ADCY8: variants seen among roughly 807,000 people sequenced by gnomAD.
ADCY8 encodes the protein adenylate cyclase 8, also known as adenylate cyclase type 8.
Under a neutral mutation model 119.7 loss-of-function variants are expected in ADCY8, and 51 were observed. The ratio of observed to expected loss-of-function variants is 0.43; its 90% CI spans 0.34 to 0.54. ADCY8 has a LOEUF of 0.54. Ranked by LOEUF, ADCY8 falls within the 20% of genes least tolerant of loss-of-function variation. The pLI is 0.03. For synonymous variants in ADCY8, 665 were observed against 651.0 expected (o/e 1.02, Z -0.33); for missense variants, 1,383 against 1,598.8 (o/e 0.87, Z 2.30).
intron 11 of ADCY8, among the ~76,000 whole-genome samples, chr8:130,847,142 A>G (rs997734181): frequency 6.6e-6 from 1 of 151,680 alleles, no homozygotes; most frequent in African/African-American, 2.4e-5. Context: ...AAAGGTGAAA[A>G]GGAAGAAAAG....
At chr8:130,813,290 A>T (rs1052127920) in intron 14 of ADCY8, among the ~76,000 whole-genome samples, 1 of 152,178 alleles carries the variant, frequency 6.6e-6, no homozygotes, top group Admixed American at 6.5e-5. Flanking sequence ...CATTAAGTAT[A>T]GTCACATTGT....
At chr8:130,927,166 T>G (rs1820496022) in intron 5 of ADCY8, among the ~76,000 whole-genome samples, 1 of 152,198 alleles carries the variant, frequency 6.6e-6, no homozygotes, top group Non-Finnish European at 1.5e-5. Flanking sequence ...TCTGAAGAAC[T>G]GCCACTGTTT....
intron 3 of ADCY8, among the ~76,000 whole-genome samples, chr8:130,949,090 G>C (rs895376643): frequency 1.3e-5 from 2 of 152,012 alleles, no homozygotes; most frequent in South Asian, 2.1e-4. Flanking sequence ...ATGTACTGTG[G>C]CGTGAACTTC....
intron 9 of ADCY8, among the ~76,000 whole-genome samples, chr8:130,864,475 T>C (rs1011027207): frequency 6.6e-6 from 1 of 152,174 alleles, no homozygotes; most frequent in African/African-American, 2.4e-5. Flanking sequence ...GTAATCTAAT[T>C]ATGTGTATAT....
At chr8:130,925,084 A>G (rs1197696548) in intron 5 of ADCY8, among the ~76,000 whole-genome samples, 2 of 151,792 alleles carry the variant, frequency 1.3e-5, no homozygotes, top group Non-Finnish European at 2.9e-5. Context: ...ATGCGCCTGT[A>G]GTCCCAGCTA....
intron 3 of ADCY8, among the ~76,000 whole-genome samples, chr8:130,948,304 G>C (rs961177188): frequency 6.6e-6 from 1 of 152,218 alleles, no homozygotes; most frequent in African/African-American, 2.4e-5. Flanking sequence ...CAATACAATC[G>C]GGTAGGTGGG....
chr8:130,810,370 A>ACACACACACAC (rs1554602617), intron 14 of ADCY8, among the ~76,000 whole-genome samples: 3 of 151,578 alleles, frequency 2.0e-5, no homozygotes, highest in African/African-American at 7.3e-5. Context: ...ACACACACAC[A>ACACACACACAC]CACACACACA....
At chr8:130,911,435 T>G (rs1379764462) in intron 5 of ADCY8, among the ~76,000 whole-genome samples, 3 of 152,158 alleles carry the variant, frequency 2.0e-5, no homozygotes, top group Non-Finnish European at 2.9e-5. Context: ...TTAGCTCTGA[T>G]AGCCACTGAA....
intron 5 of ADCY8, among the ~76,000 whole-genome samples, chr8:130,924,210 T>G (rs1271820696): frequency 6.6e-6 from 1 of 152,208 alleles, no homozygotes; most frequent in African/African-American, 2.4e-5. Flanking sequence ...CAACCTCTGT[T>G]AGCTTGTATG....
At chr8:130,861,912 T>C (rs1817943413) in intron 9 of ADCY8, among the ~76,000 whole-genome samples, 1 of 152,190 alleles carries the variant, frequency 6.6e-6, no homozygotes, top group Admixed American at 6.5e-5. Flanking sequence ...ATCCAATGCA[T>C]TTATTTGGCA....
intron 2 of ADCY8, among the ~76,000 whole-genome samples, chr8:130,984,341 T>C (rs1822332095): frequency 6.6e-6 from 1 of 152,172 alleles, no homozygotes; most frequent in African/African-American, 2.4e-5. Context: ...TTCTAACATA[T>C]GAATACTGCT....
intron 2 of ADCY8, among the ~76,000 whole-genome samples, chr8:130,962,636 AGGAT>A (rs1821639331): frequency 1.3e-5 from 2 of 152,246 alleles, no homozygotes; most frequent in Non-Finnish European, 2.9e-5. Flanking sequence ...TGAGGGATTC[AGGAT>A]CTTTATTTTA....
At position 130,997,577 on chromosome 8, in the gene ADCY8, G is replaced by A. The variant is rs566617704; in HGVS notation, c.961-7035C>T. Among the ~76,000 whole-genome samples, 56 of 152,216 alleles carry A rather than the reference G, an allele frequency of 3.7e-4. 3 individuals carry two copies. In the South Asian group the frequency reaches 0.011, roughly 30 times the overall value. On this transcript the variant is annotated intron_variant, in intron 1 of 17. Transcript: ENST00000286355. Reference sequence around the variant, plus strand: ...CTGGAACCAATGAGAAAAAAACAATGCAGAAAAGACCATCCAGATAGAGTC... The same window carrying A: ...CTGGAACCAATGAGAAAAAAACAATACAGAAAAGACCATCCAGATAGAGTC...
intron 12 of ADCY8, among the ~76,000 whole-genome samples, chr8:130,832,627 C>A (rs2130248065): frequency 6.6e-6 from 1 of 152,188 alleles, no homozygotes; most frequent in East Asian, 1.9e-4. Context: ...AGAAGACTAG[C>A]CAATGATTGT....
intron 2 of ADCY8, among the ~76,000 whole-genome samples, chr8:130,978,448 A>G (rs1586624724): frequency 2.0e-5 from 3 of 152,244 alleles, no homozygotes; most frequent in East Asian, 3.8e-4. Flanking sequence ...TGATTCTTCA[A>G]TATCTGTTGA....
At chr8:130,871,894 GA>G (rs1262151293) in intron 8 of ADCY8, among the ~76,000 whole-genome samples, 25 of 152,110 alleles carry the variant, frequency 1.6e-4, no homozygotes, top group Non-Finnish European at 1.5e-5. Flanking sequence ...AATGACCTGT[GA>G]ACCCTTGTAA....
intron 7 of ADCY8, among the ~76,000 whole-genome samples, chr8:130,886,185 C>T (rs747639198): frequency 5.9e-5 from 9 of 152,148 alleles, no homozygotes; most frequent in East Asian, 5.8e-4. Flanking sequence ...AGGCTCATCA[C>T]GGCTAGACTT....
intron 2 of ADCY8, among the ~76,000 whole-genome samples, chr8:130,965,463 G>A (rs1821733982): frequency 6.6e-6 from 1 of 152,216 alleles, no homozygotes; most frequent in South Asian, 2.1e-4. Flanking sequence ...ACCTGTACAT[G>A]TACCCCTGAA....
intron 1 of ADCY8, among the ~76,000 whole-genome samples, chr8:130,999,851 G>A (rs937420157): frequency 3.9e-5 from 6 of 152,194 alleles, no homozygotes; most frequent in Admixed American, 6.5e-5. Flanking sequence ...ATAAAGGAAC[G>A]ATGTGTTGCA....
Sources: allele counts gnomAD v4.1 joint callset (sites outside exome capture counted in the v4.1 genomes callset), GRCh38; gene constraint gnomAD v4.1.1; transcripts MANE v1.5; gene names NCBI Gene and HGNC (gene_info 2026-07-23, HGNC 2026-07-21).